PRKCB: variants seen among roughly 807,000 people sequenced by gnomAD.
The protein encoded by PRKCB is protein kinase C beta.
A neutral mutation model predicts 81.5 loss-of-function variants in PRKCB; 13 were observed. That is an observed-to-expected ratio of 0.16 (90% CI 0.10 to 0.25). The LOEUF (loss-of-function observed/expected upper bound fraction) is 0.25, where lower values mean the gene tolerates loss of function less well. Among genes scored for constraint, PRKCB ranks in the 10% least tolerant of loss-of-function variants. The pLI, the probability that PRKCB is intolerant of heterozygous loss-of-function variation, is 1.00. For missense variants in PRKCB, 509 were observed against 875.7 expected (o/e 0.58, Z 5.29); for synonymous variants, 335 against 321.4 (o/e 1.04, Z -0.45).
chr16:24,143,562 TG>T (rs942410872), intron 9 of PRKCB, among the ~76,000 whole-genome samples: 2 of 152,056 alleles, frequency 1.3e-5, no homozygotes, highest in African/African-American at 4.8e-5. Flanking sequence ...GGGAGGGGCA[TG>T]GGAGAGGGAA....
chr16:24,128,600 C>T (rs534280561), intron 9 of PRKCB, among the ~76,000 whole-genome samples: 165 of 152,310 alleles, frequency 1.1e-3, no homozygotes, highest in South Asian at 3.5e-3. Context: ...GGCTATCTTA[C>T]CAAAGCAGGG....
In PRKCB at chr16:24,163,917, A is replaced by G. The variant is rs377481465; in HGVS notation, c.1240-8353A>G. ...GAACCCAGGACTAGCTGATACCAGA[A>G]CCAGGGCTCTTAACCACAGCACTAC... On this transcript the variant is annotated intron_variant, in intron 10 of 16. Coordinates refer to ENST00000643927, the MANE Select transcript of PRKCB (RefSeq NM_002738.7). Among the ~76,000 whole-genome samples, 75 of 152,354 alleles carry G rather than the reference A, an allele frequency of 4.9e-4. 2 individuals carry two copies. The South Asian group carries it at 0.015, about 31-fold the overall frequency.
Position 24,044,282 on chromosome 16 carries a change from C to G in PRKCB, c.529+8735C>G, listed in dbSNP as rs541215250. 3.3e-4 allele frequency among the ~76,000 whole-genome samples: 50 copies of G among 152,210 alleles called. No individual in the cohort carries two copies. In the South Asian group the frequency reaches 0.01, roughly 31 times the overall value. On this transcript the variant is annotated intron_variant, in intron 5 of 16. Transcript: ENST00000643927. ...GGTGAGACACGAGAATCACTTGAAC[C>G]CTGCAGGTGGAGTTTGCAGTGAACA...
intron 7 of PRKCB, among the ~76,000 whole-genome samples, chr16:24,109,978 C>T (rs1157780230): frequency 2.3e-5 from 3 of 133,224 alleles, no homozygotes; most frequent in Admixed American, 7.5e-5. Context: ...AGTCTGCAAT[C>T]GCAGGCACTC....
chr16:23,871,373 T>C (rs891488567), intron 2 of PRKCB, among the ~76,000 whole-genome samples: 1 of 152,168 alleles, frequency 6.6e-6, no homozygotes, highest in Non-Finnish European at 1.5e-5. Context: ...GTGGAATGAA[T>C]GTGTGCTCCA....
At position 24,216,342 on chromosome 16, in the gene PRKCB, G is replaced by T; in HGVS notation, c.*1526G>T. On this transcript the variant is annotated 3_prime_UTR_variant, in exon 17 of 17. Coordinates refer to ENST00000643927, the MANE Select transcript of PRKCB (RefSeq NM_002738.7). The stretch of plus-strand genomic sequence containing the variant: ...TTGGACTAAATATTCTTTCTAGCAA[G>T]CAGCTTTGTGAGCTCCCTGAAGCCC... 1.0e-6 allele frequency: 1 copy of T among 985,420 alleles called. No homozygotes were observed. The highest frequency in any genetic ancestry group is 1.7e-5 in the African/African-American group (1 of 57,358). 61.0% of individuals were successfully genotyped at this position (985,420 alleles called of 1,614,324 possible). A position where few individuals can be genotyped will look rare whatever the true frequency, so the allele number is the denominator to read the frequency against.
rs145443856 is a variant in PRKCB, at chr16:24,081,906, A to G, written c.530-10885A>G. 1.5e-3 allele frequency among the ~76,000 whole-genome samples: 235 copies of G among 152,110 alleles called. 2 individuals are homozygous for G. The highest frequency in any genetic ancestry group is 5.3e-3 in the African/African-American group (222 of 41,538). Reference sequence around the variant, plus strand: ...TAATAAAATAAAAAATAAAAACCATATGGAATGGAAAGGAAAAAAAGAAAA... The same window carrying G: ...TAATAAAATAAAAAATAAAAACCATGTGGAATGGAAAGGAAAAAAAGAAAA... On this transcript the variant is annotated intron_variant, in intron 5 of 16. Coordinates refer to ENST00000643927, the MANE Select transcript of PRKCB (RefSeq NM_002738.7).
chr16:24,040,250 T>A (rs1267364229), intron 5 of PRKCB, among the ~76,000 whole-genome samples: 1 of 152,214 alleles, frequency 6.6e-6, no homozygotes, highest in African/African-American at 2.4e-5. Flanking sequence ...ACAGACTAAA[T>A]CTAACATGGC....
intron 2 of PRKCB, among the ~76,000 whole-genome samples, chr16:23,853,048 T>G (rs940369460): frequency 6.6e-6 from 1 of 152,204 alleles, no homozygotes; most frequent in Non-Finnish European, 1.5e-5. Context: ...CCTGTTTCAA[T>G]GTTGCCCATC....
At chr16:23,917,119 G>A (rs1277422594) in intron 2 of PRKCB, among the ~76,000 whole-genome samples, 3 of 151,952 alleles carry the variant, frequency 2.0e-5, no homozygotes, top group Non-Finnish European at 4.4e-5. Flanking sequence ...ACAGAGTCTC[G>A]CTCTGTTGCC....
chr16:24,053,852 C>T (rs543662483), intron 5 of PRKCB, among the ~76,000 whole-genome samples: 3 of 152,106 alleles, frequency 2.0e-5, no homozygotes, highest in Non-Finnish European at 2.9e-5. Context: ...GAGAGGAAAG[C>T]GGAGGAAACA....
chr16:23,961,915 G>A (rs1478676990), intron 2 of PRKCB, among the ~76,000 whole-genome samples: 1 of 152,126 alleles, frequency 6.6e-6, no homozygotes, highest in Admixed American at 6.6e-5. Flanking sequence ...ATCACCCTTG[G>A]AGCTAAGGTT....
At chr16:24,037,617 T>C (rs1965640491) in intron 5 of PRKCB, among the ~76,000 whole-genome samples, 1 of 152,188 alleles carries the variant, frequency 6.6e-6, no homozygotes, top group Non-Finnish European at 1.5e-5. Flanking sequence ...TTATTCCTTT[T>C]GTGGTTTGGC....
intron 11 of PRKCB, among the ~76,000 whole-genome samples, chr16:24,173,151 G>A (rs957163242): frequency 6.6e-6 from 1 of 152,084 alleles, no homozygotes; most frequent in South Asian, 2.1e-4. Flanking sequence ...GTGCTCGGTG[G>A]CAATGGTCTG....
chr16:24,199,020 C>T (rs575476193), intron 16 of PRKCB, among the ~76,000 whole-genome samples: 9 of 152,262 alleles, frequency 5.9e-5, no homozygotes, highest in South Asian at 4.2e-4. Flanking sequence ...CTCTTGTTAC[C>T]GATTCTTATC....
chr16:23,953,827 A>G (rs1307239992), intron 2 of PRKCB, among the ~76,000 whole-genome samples: 2 of 152,104 alleles, frequency 1.3e-5, no homozygotes, highest in African/African-American at 4.8e-5. Context: ...CTCAAGGAGC[A>G]TATAGTCAAA....
intron 3 of PRKCB, among the ~76,000 whole-genome samples, chr16:24,000,706 G>A (rs376124336): frequency 6.6e-6 from 1 of 152,244 alleles, no homozygotes; most frequent in African/African-American, 2.4e-5. Context: ...GCTCCACCTA[G>A]GTCCATAATC....
intron 9 of PRKCB, among the ~76,000 whole-genome samples, chr16:24,124,562 G>A (rs956109083): frequency 1.3e-5 from 2 of 152,190 alleles, no homozygotes; most frequent in Non-Finnish European, 2.9e-5. Flanking sequence ...TCAAACAGTT[G>A]CACAGTGGAA....
intron 2 of PRKCB, among the ~76,000 whole-genome samples, chr16:23,891,021 G>A (rs8061533): frequency 0.53 from 78,840 of 148,144 alleles, 21,456 homozygotes; most frequent in East Asian, 0.62. Context: ...GTGTGTGTGT[G>A]TATATATATA....
Sources: allele counts gnomAD v4.1 joint callset (sites outside exome capture counted in the v4.1 genomes callset), GRCh38; gene constraint gnomAD v4.1.1; transcripts MANE v1.5; gene names NCBI Gene and HGNC (gene_info 2026-07-23, HGNC 2026-07-21).